The following GPC5 variants were observed in gnomAD, a reference collection of about 807,000 sequenced individuals.
GPC5 encodes the protein glypican 5, also known as glypican-5.
Under a neutral mutation model 53.9 loss-of-function variants are expected in GPC5, and 47 were observed. The observed-to-expected ratio is 0.87, with a 90% confidence interval of 0.69 to 1.11. The LOEUF (loss-of-function observed/expected upper bound fraction) is 1.11. GPC5 is among the 50% of genes most tolerant of loss of function. The pLI, the probability that GPC5 is intolerant of heterozygous loss-of-function variation, is 0.00. For missense variants in GPC5, 748 were observed against 713.1 expected, an observed-to-expected ratio of 1.05 and a Z score of -0.56; for synonymous variants, 286 against 263.3, an observed-to-expected ratio of 1.09 and a Z score of -0.84.
chr13:91,965,615 G>A (rs968316660), intron 6 of GPC5, among the ~76,000 whole-genome samples: 5 of 152,016 alleles, frequency 3.3e-5, no homozygotes, highest in African/African-American at 1.2e-4. Flanking sequence ...TGAATGAGAG[G>A]GTATTAATTC....
At chr13:92,045,641 C>A (rs1449808793) in intron 6 of GPC5, among the ~76,000 whole-genome samples, 1 of 151,970 alleles carries the variant, frequency 6.6e-6, no homozygotes, top group African/African-American at 2.4e-5. Context: ...ACTTAAGATG[C>A]AAATGATTTT....
chr13:91,754,464 C>T (rs924039056), intron 4 of GPC5, among the ~76,000 whole-genome samples: 5 of 151,974 alleles, frequency 3.3e-5, no homozygotes, highest in Non-Finnish European at 5.9e-5. Context: ...AGAAATGAAC[C>T]TTGTGCTATC....
At chr13:92,631,567 T>C (rs17188508) in intron 7 of GPC5, among the ~76,000 whole-genome samples, 3,617 of 152,200 alleles carry the variant, frequency 0.024, 75 homozygotes, top group Non-Finnish European at 0.035. Context: ...AGGAGGGGGA[T>C]AATAAAAACT....
chr13:91,428,448 C>A (rs1879209327), intron 1 of GPC5, among the ~76,000 whole-genome samples: 1 of 152,112 alleles, frequency 6.6e-6, no homozygotes, highest in South Asian at 2.1e-4. Context: ...TTTAAAGAAC[C>A]AATCAGGAAC....
chr13:92,182,637 T>TG (rs2042154787), intron 7 of GPC5, among the ~76,000 whole-genome samples: 1 of 151,924 alleles, frequency 6.6e-6, no homozygotes. Flanking sequence ...GAGGCCGAGG[T>TG]GGGCAGATCA....
intron 4 of GPC5, among the ~76,000 whole-genome samples, chr13:91,736,814 T>C (rs2036825477): frequency 6.6e-6 from 1 of 151,388 alleles, no homozygotes; most frequent in Non-Finnish European, 1.5e-5. Context: ...GAGAATCCTC[T>C]ATTCCAGAAA....
At chr13:92,752,857 T>A (rs1196949832) in intron 7 of GPC5, among the ~76,000 whole-genome samples, 1 of 152,126 alleles carries the variant, frequency 6.6e-6, no homozygotes, top group Non-Finnish European at 1.5e-5. Context: ...GGAGTCTCGC[T>A]GATTGCTAGC....
rs115283514 is a variant in GPC5 at position 92,571,613 on chromosome 13, C to A, written c.1562-294669C>A. 3.7e-3 allele frequency among the ~76,000 whole-genome samples: 565 copies of A among 150,916 alleles called. 7 individuals carry two copies. Among genetic ancestry groups the A allele is most frequent in the African/African-American group, 0.013 (548 of 41,060 alleles). On this transcript the variant is annotated intron_variant, in intron 7 of 7. Coordinates refer to ENST00000377067, the MANE Select transcript of GPC5 (RefSeq NM_004466.6). The stretch of plus-strand genomic sequence containing the variant: ...TTTTAATATTACAAAAGTGCCTTTC[C>A]GGTATCAGTGTGCTTCATGATCCTT...
At chr13:91,540,528 G>A (rs747209052) in intron 2 of GPC5, among the ~76,000 whole-genome samples, 3 of 152,176 alleles carry the variant, frequency 2.0e-5, no homozygotes, top group Non-Finnish European at 4.4e-5. Flanking sequence ...AGAATGATCT[G>A]AAGTTGATTG....
At chr13:92,842,866 T>C (rs1291028571) in intron 7 of GPC5, among the ~76,000 whole-genome samples, 4 of 152,034 alleles carry the variant, frequency 2.6e-5, no homozygotes, top group Admixed American at 2.0e-4. Flanking sequence ...TACTTAACAA[T>C]CATTCAAAAC....
At chr13:92,281,877 A>G (rs1022999385) in intron 7 of GPC5, among the ~76,000 whole-genome samples, 6 of 152,214 alleles carry the variant, frequency 3.9e-5, no homozygotes, top group Non-Finnish European at 7.3e-5. Context: ...CTTGCCAGCA[A>G]TGTAACAAAG....
At chr13:92,845,272 C>A (rs1258371901) in intron 7 of GPC5, among the ~76,000 whole-genome samples, 1 of 152,108 alleles carries the variant, frequency 6.6e-6, no homozygotes, top group Non-Finnish European at 1.5e-5. Context: ...CAGAGAAACG[C>A]TGACTTGACA....
intron 6 of GPC5, among the ~76,000 whole-genome samples, chr13:92,047,745 C>T (rs149928598): frequency 2.6e-4 from 37 of 139,920 alleles, no homozygotes; most frequent in East Asian, 2.5e-3. Flanking sequence ...CCAAGGCAGG[C>T]GGATCATGAG....
At chr13:92,497,165 A>G (rs1333600904) in intron 7 of GPC5, among the ~76,000 whole-genome samples, 1 of 152,090 alleles carries the variant, frequency 6.6e-6, no homozygotes, top group East Asian at 1.9e-4. Flanking sequence ...CATTTTTGTC[A>G]TGATGTCTTT....
chr13:92,121,870 CA>C (rs1440738251), intron 6 of GPC5, among the ~76,000 whole-genome samples: 1 of 151,980 alleles, frequency 6.6e-6, no homozygotes, highest in Non-Finnish European at 1.5e-5. Flanking sequence ...AGGAAAGTGC[CA>C]AATTTATTTG....
chr13:91,434,751 G>T (rs1469856662), intron 1 of GPC5, among the ~76,000 whole-genome samples: 3 of 152,144 alleles, frequency 2.0e-5, no homozygotes, highest in Non-Finnish European at 4.4e-5. Context: ...GATGGAGATG[G>T]CATTGAATCT....
intron 2 of GPC5, among the ~76,000 whole-genome samples, chr13:91,675,606 A>G (rs1033857387): frequency 9.9e-5 from 15 of 152,256 alleles, no homozygotes; most frequent in Admixed American, 9.8e-4. Context: ...TGATATTCAC[A>G]CAGTGGTATG....
chr13:92,448,321 G>A (rs765532904), intron 7 of GPC5: 8 of 152,096 alleles, frequency 5.3e-5, no homozygotes, highest in African/African-American at 1.9e-4. Context: ...AGAAGGATAC[G>A]GGAAAGTTAA....
chr13:91,705,569 A>G (rs1217777080), intron 3 of GPC5, among the ~76,000 whole-genome samples: 1 of 152,058 alleles, frequency 6.6e-6, no homozygotes, highest in African/African-American at 2.4e-5. Flanking sequence ...TCAGCAGTAG[A>G]TGTTTGATGC....
Sources: gnomAD v4.1 joint callset for allele counts (sites outside exome capture counted in the v4.1 genomes callset) on GRCh38, gnomAD v4.1.1 for gene constraint, MANE v1.5 for transcripts, NCBI Gene and HGNC (gene_info 2026-07-23, HGNC 2026-07-21) for gene names.